PTPRN2: variants seen among roughly 807,000 people sequenced by gnomAD.
PTPRN2 encodes the protein receptor-type tyrosine-protein phosphatase N2.
Under a neutral mutation model 118.8 loss-of-function variants are expected in PTPRN2, and 74 were observed. That is an observed-to-expected ratio of 0.62 (90% CI 0.52 to 0.76). PTPRN2 has a LOEUF of 0.76. Ranked by LOEUF, PTPRN2 falls within the 30% of genes least tolerant of loss-of-function variation. PTPRN2 has a pLI of 0.00. For synonymous variants in PTPRN2, 641 were observed against 608.0 expected (o/e 1.05, Z -0.80); for missense variants, 1,481 against 1,394.4 (o/e 1.06, Z -0.99).
At chr7:158,319,291 T>C (rs1802606353) in intron 2 of PTPRN2, among the ~76,000 whole-genome samples, 1 of 65,854 alleles carries the variant, frequency 1.5e-5, no homozygotes, top group South Asian at 7.3e-4. Context: ...CCCCAGTGCA[T>C]TGTTAATAGA....
chr7:158,556,716 C>T (rs145021075), intron 1 of PTPRN2, among the ~76,000 whole-genome samples: 9,196 of 150,248 alleles, frequency 0.061, 353 homozygotes, highest in Non-Finnish European at 0.086. Context: ...AGACGGCTCC[C>T]GGGCAGGTCA....
chr7:157,995,269 C>T (rs892333235), intron 11 of PTPRN2, among the ~76,000 whole-genome samples: 3 of 151,484 alleles, frequency 2.0e-5, no homozygotes, highest in African/African-American at 7.3e-5. Context: ...CTTACAACTC[C>T]TTGTTCCTAA....
intron 2 of PTPRN2, among the ~76,000 whole-genome samples, chr7:158,421,467 C>T (rs1586635171): frequency 6.6e-6 from 1 of 152,200 alleles, no homozygotes; most frequent in Non-Finnish European, 1.5e-5. Flanking sequence ...CCATATTTTC[C>T]TCTTTGTAGT....
chr7:158,246,976 T>C (rs1177168804), intron 3 of PTPRN2, among the ~76,000 whole-genome samples: 1 of 152,182 alleles, frequency 6.6e-6, no homozygotes. Flanking sequence ...GCACTTCTCA[T>C]AGAGCGCATG....
rs775862506 is a variant in PTPRN2 at position 158,138,392 on chromosome 7, T to C, written c.1034A>G (p.His345Arg). ...LMAGLMQGVD[H>R]GVARGSPGRA... ...CCCAGGGCTGCCTCGAGCTACTCCA[T>C]GGTCCACGCCTTGCATCAGGCCAGC... The change falls in exon 7 of 23, where the codon CAT (histidine) becomes CGT (arginine). Residue 345 changes from histidine to arginine, a missense_variant. Transcript: ENST00000389418. 4 of 1,613,712 alleles carry C rather than the reference T, an allele frequency of 2.5e-6. No homozygotes were observed. The highest frequency in any genetic ancestry group is 2.2e-5 in the South Asian group (2 of 91,078).
chr7:158,355,799 G>A (rs901635891), intron 2 of PTPRN2, among the ~76,000 whole-genome samples: 1 of 152,156 alleles, frequency 6.6e-6, no homozygotes, highest in Admixed American at 6.5e-5. Flanking sequence ...GGAAGAGCGT[G>A]AGCGTGAACC....
intron 6 of PTPRN2, among the ~76,000 whole-genome samples, chr7:158,160,913 T>C (rs995092538): frequency 6.6e-6 from 1 of 152,250 alleles, no homozygotes; most frequent in Non-Finnish European, 1.5e-5. Flanking sequence ...ATTTTATATA[T>C]TTTGCAAATA....
In PTPRN2 at chr7:158,314,887, C is replaced by G. The variant is rs867184318; in HGVS notation, c.277+1932G>C. Among the ~76,000 whole-genome samples, 546 of 147,906 alleles carry G rather than the reference C, an allele frequency of 3.7e-3. 8 individuals carry two copies. The highest frequency in any genetic ancestry group is 0.011 in the Middle Eastern group (3 of 276). On this transcript the variant is annotated intron_variant, in intron 3 of 22. Coordinates refer to ENST00000389418, the MANE Select transcript of PTPRN2 (RefSeq NM_002847.5). Reference sequence around the variant, plus strand: ...TGTAGGACAGAGGTGAACCCGGGACCCCCTTAAGGACAGAGGTGAACCCGG... The same window carrying G: ...TGTAGGACAGAGGTGAACCCGGGACGCCCTTAAGGACAGAGGTGAACCCGG...
chr7:157,864,902 C>G (rs1810526780), intron 12 of PTPRN2: 1 of 152,282 alleles, frequency 6.6e-6, no homozygotes, highest in Non-Finnish European at 1.5e-5. Flanking sequence ...GCCGCCATCT[C>G]AGGCCCTCCC....
chr7:157,788,581 T>C (rs764977686), intron 12 of PTPRN2, among the ~76,000 whole-genome samples: 1 of 151,984 alleles, frequency 6.6e-6, no homozygotes, highest in Non-Finnish European at 1.5e-5. Context: ...TCGTCACCCC[T>C]AGGAAGGGCC....
chr7:158,054,245 A>T (rs1474091946), intron 11 of PTPRN2, among the ~76,000 whole-genome samples: 4 of 152,226 alleles, frequency 2.6e-5, no homozygotes, highest in African/African-American at 9.6e-5. Flanking sequence ...TGATGTGAAC[A>T]CAGCTCTCCG....
At chr7:158,178,071 T>C (rs1170422335) in intron 5 of PTPRN2, among the ~76,000 whole-genome samples, 2 of 152,234 alleles carry the variant, frequency 1.3e-5, no homozygotes, top group Non-Finnish European at 2.9e-5. Context: ...GCCATTCTTA[T>C]AGGTTTGTAG....
intron 2 of PTPRN2, among the ~76,000 whole-genome samples, chr7:158,408,710 C>T: frequency 6.6e-6 from 1 of 152,318 alleles, no homozygotes; most frequent in Non-Finnish European, 1.5e-5. Flanking sequence ...CGTGTGACCA[C>T]CCTTCGTGAC....
At chr7:157,767,500 T>C (rs1017456813) in intron 12 of PTPRN2, among the ~76,000 whole-genome samples, 2 of 152,228 alleles carry the variant, frequency 1.3e-5, no homozygotes, top group African/African-American at 4.8e-5. Context: ...AGTCACACCC[T>C]GCAGTAAGAA....
chr7:158,305,511 T>G (rs1801214635), intron 3 of PTPRN2, among the ~76,000 whole-genome samples: 1 of 152,058 alleles, frequency 6.6e-6, no homozygotes, highest in Non-Finnish European at 1.5e-5. Flanking sequence ...ACGGAGCAAC[T>G]AGACAAGGAA....
At chr7:158,485,161 G>A (rs899221258) in intron 2 of PTPRN2, among the ~76,000 whole-genome samples, 4 of 152,008 alleles carry the variant, frequency 2.6e-5, no homozygotes, top group Non-Finnish European at 1.5e-5. Context: ...CACGAGACAC[G>A]GAGCCGACAG....
intron 12 of PTPRN2, among the ~76,000 whole-genome samples, chr7:157,811,985 A>G (rs1286054530): frequency 6.6e-6 from 1 of 152,154 alleles, no homozygotes; most frequent in African/African-American, 2.4e-5. Context: ...CCTCGACTTA[A>G]GACATGGCTC....
chr7:157,603,953 G>T lies in PTPRN2; in HGVS notation c.2418+49C>A, dbSNP rs769701132. On this transcript the variant is annotated intron_variant, in intron 16 of 22. Coordinates refer to ENST00000389418, the MANE Select transcript of PTPRN2 (RefSeq NM_002847.5). This position sits in a 1 kb window ranked among gnomAD's most constrained non-coding sequence, Gnocchi z 5.4. ...CCTTCCCACGTGATTTGCCGCGTCCGTGCCACCCAAGGGAAAGCCTGGGGC... is the reference window on the plus strand; with the variant it reads ...CCTTCCCACGTGATTTGCCGCGTCCTTGCCACCCAAGGGAAAGCCTGGGGC... The T allele has an allele frequency of 6.5e-7, 1 of 1,547,724 alleles. No individual in the cohort carries two copies. The highest frequency in any genetic ancestry group is 1.7e-5 in the Admixed American group (1 of 59,512).
intron 2 of PTPRN2, among the ~76,000 whole-genome samples, chr7:158,452,364 C>A (rs1818144001): frequency 6.6e-6 from 1 of 152,226 alleles, no homozygotes; most frequent in Admixed American, 6.5e-5. Context: ...CAGAATTAAA[C>A]CTTCTCACCC....
Sources: gnomAD v4.1 joint callset for allele counts (sites outside exome capture counted in the v4.1 genomes callset) on GRCh38, gnomAD v4.1.1 for gene constraint, Gnocchi (gnomAD v3.1) non-coding constraint, MANE v1.5 for transcripts, NCBI Gene and HGNC (gene_info 2026-07-23, HGNC 2026-07-21) for gene names.